ZNF226: variants seen among roughly 807,000 people sequenced by gnomAD.
ZNF226 encodes the protein zinc finger protein 226.
In ZNF226, 6 loss-of-function variants were observed where a neutral mutation model predicts 11.4. The observed-to-expected ratio is 0.53, with a 90% CI of 0.29 to 1.04. The LOEUF is 1.04. Among genes scored for constraint, ZNF226 ranks in the 50% least tolerant of loss-of-function variants. The probability of loss-of-function intolerance (pLI) is 0.08; values close to 1 mark genes in which losing one functional copy is unlikely to be tolerated. For synonymous variants in ZNF226, 350 were observed against 322.8 expected (o/e 1.08, Z -0.90); for missense variants, 1,058 against 956.5 (o/e 1.11, Z -1.40).
the ZNF226 span, among the ~76,000 whole-genome samples, chr19:44,198,584 A>G: frequency 6.6e-6 from 1 of 152,228 alleles, no homozygotes; most frequent in Non-Finnish European, 1.5e-5. Context: ...AATGTATTTC[A>G]CAAATATTTT....
At position 44,175,962 on chromosome 19, in the gene ZNF226, A is replaced by G. The variant is rs188862419; in HGVS notation, c.700A>G (p.Met234Val). The G allele has an allele frequency of 5.6e-4, 903 of 1,613,890 alleles. No homozygotes were observed. The highest frequency in any genetic ancestry group is 7.1e-4 in the Non-Finnish European group (837 of 1,179,864). ...YRPNDYEKDN[M>V]KILTFDHNSM... is the part of the protein sequence containing the mutation. ...ACCCAATGATTATGAAAAAGACAAC[A>G]TGAAGATTTTGACATTTGATCACAA... is the stretch of plus-strand genomic sequence containing the variant. The change falls in exon 6 of 6, where the codon ATG (methionine) becomes GTG (valine). Residue 234 changes from methionine (M) to valine (V), a missense_variant. By Grantham distance (21) the Met-to-Val change is conservative (BLOSUM62 1). Coordinates refer to ENST00000337433, the MANE Select transcript of ZNF226 (RefSeq NM_001032373.2).
chr19:44,173,143 T>C (rs1599729424), intron 5 of ZNF226, 191 bp downstream of exon 5: 1 of 593,864 alleles, frequency 1.7e-6, no homozygotes, highest in East Asian at 2.8e-5. Context: ...AAAGTGAGTT[T>C]TTGTTACCTT....
chr19:44,177,801 C>A, downstream of ZNF226: 1 of 1,098,906 alleles, frequency 9.1e-7, no homozygotes, highest in Non-Finnish European at 1.3e-6. Context: ...ATTAGCATAG[C>A]AAGGGCTTCT....
At chr19:44,179,827 A>C (rs1016549951), downstream of ZNF226, among the ~76,000 whole-genome samples, 2 of 152,114 alleles carry the variant, frequency 1.3e-5, no homozygotes, top group African/African-American at 4.8e-5. Flanking sequence ...TCGTGCCTCT[A>C]ATCCCAGCAC....
rs73564084 is a variant in ZNF226, at chr19:44,173,009, T to C, written c.235+57T>C. On this transcript the variant is annotated intron_variant, in intron 5 of 5. Coordinates refer to ENST00000337433, the MANE Select transcript of ZNF226 (RefSeq NM_001032373.2). ...TTAACTGTCCATCTGCTTTGCTTCTTCTTAGCCTTGTTGCCATCACCTGGT... is the reference window on the plus strand; with the variant it reads ...TTAACTGTCCATCTGCTTTGCTTCTCCTTAGCCTTGTTGCCATCACCTGGT... The C allele has an allele frequency of 2.5e-3, 3,724 of 1,500,708 alleles. 94 individuals carry two copies. The African/African-American group carries it at 0.045, about 18-fold the overall frequency. The allele number at this position is 1,500,708 out of a possible 1,614,324, so 93.0% of individuals were successfully genotyped here. A position where few individuals can be genotyped will look rare whatever the true frequency, so the allele number is the denominator to read the frequency against.
At chr19:44,177,776 A>C, downstream of ZNF226, 1 of 1,297,166 alleles carries the variant, frequency 7.7e-7, no homozygotes. Context: ...CAAAGACAAC[A>C]AAACAATCTT....
chr19:44,169,796 A>G (rs966517323), intron 2 of ZNF226, among the ~76,000 whole-genome samples: 1 of 152,236 alleles, frequency 6.6e-6, no homozygotes, highest in Non-Finnish European at 1.5e-5. Flanking sequence ...CAAAATAAGA[A>G]TTACTGGCGT....
chr19:44,191,576 A>T, the ZNF226 span, among the ~76,000 whole-genome samples: 2 of 152,158 alleles, frequency 1.3e-5, no homozygotes, highest in Non-Finnish European at 2.9e-5. Flanking sequence ...CCAACTGGAA[A>T]ATCTCTCAGT....
In ZNF226 at chr19:44,176,697, G is replaced by C. The variant is rs766928159; in HGVS notation, c.1435G>C (p.Val479Leu). The C allele has an allele frequency of 1.2e-6, 2 of 1,614,012 alleles. No individual in the cohort carries two copies. The highest frequency in any genetic ancestry group is 2.7e-5 in the African/African-American group (2 of 74,892). Residue 479 changes from valine to leucine, a missense_variant, in exon 6 of 6, where the codon GTA becomes CTA. Coordinates refer to ENST00000337433, the MANE Select transcript of ZNF226 (RefSeq NM_001032373.2). Reference sequence around the variant, plus strand: ...TGGAGAGAAGTCATACATATGTACTGTATGTGGGAAAGGCTTTACTCTGAG... The same window carrying C: ...TGGAGAGAAGTCATACATATGTACTCTATGTGGGAAAGGCTTTACTCTGAG... Reference protein sequence around the residue: ...HTGEKSYICTVCGKGFTLSSN... With the variant: ...HTGEKSYICTLCGKGFTLSSN...
chr19:44,189,495 A>T, the ZNF226 span, among the ~76,000 whole-genome samples: 71 of 152,152 alleles, frequency 4.7e-4, no homozygotes, highest in Non-Finnish European at 7.9e-4. Context: ...ATATAGAAAA[A>T]TTTTGTCATC....
At chr19:44,178,603 A>G (rs547753498), downstream of ZNF226, among the ~76,000 whole-genome samples, 176 of 152,314 alleles carry the variant, frequency 1.2e-3, no homozygotes, top group African/African-American at 4.2e-3. Context: ...TCAAAAATCG[A>G]TTTTTGGAGC....
chr19:44,178,065 A>G (rs895590390), downstream of ZNF226: 1 of 163,930 alleles, frequency 6.1e-6, no homozygotes, highest in Non-Finnish European at 1.3e-5. Context: ...TCACCTGCAG[A>G]ATATCATGAA....
intron 5 of ZNF226, chr19:44,175,225 C>A: frequency 7.1e-7 from 1 of 1,399,036 alleles, no homozygotes; most frequent in Non-Finnish European, 9.2e-7. Context: ...GTAGGAAAGA[C>A]ATGGAATAAA....
At chr19:44,174,939 A>G in intron 5 of ZNF226, 8 of 1,583,544 alleles carry the variant, frequency 5.1e-6, no homozygotes, top group Non-Finnish European at 6.9e-6. Context: ...ACAGCTTTTC[A>G]ACTTTGCAGC....
At chr19:44,186,411 GT>G in the ZNF226 span, among the ~76,000 whole-genome samples, 1 of 151,990 alleles carries the variant, frequency 6.6e-6, no homozygotes, top group East Asian at 1.9e-4. Flanking sequence ...AGTTTTCAAT[GT>G]AAAAATATTT....
the ZNF226 span, among the ~76,000 whole-genome samples, chr19:44,195,683 TGTG>T: frequency 1.3e-5 from 2 of 152,184 alleles, no homozygotes; most frequent in African/African-American, 2.4e-5. Flanking sequence ...TGTGTAAGGT[TGTG>T]GTGGCCTTTG....
downstream of ZNF226, among the ~76,000 whole-genome samples, chr19:44,182,529 G>T (rs1414348920): frequency 6.6e-6 from 1 of 152,192 alleles, no homozygotes; most frequent in African/African-American, 2.4e-5. Context: ...TGTATGTAAA[G>T]CCTTACTCAA....
At chr19:44,179,263 C>G (rs759743737), downstream of ZNF226, among the ~76,000 whole-genome samples, 42 of 152,172 alleles carry the variant, frequency 2.8e-4, no homozygotes, top group Non-Finnish European at 2.4e-4. Context: ...TATGCCACCA[C>G]AGCATCGAAG....
intron 2 of ZNF226, chr19:44,167,848 A>C (rs371268652): frequency 6.6e-6 from 1 of 152,156 alleles, no homozygotes; most frequent in African/African-American, 2.4e-5. Context: ...CCACACATGC[A>C]TGGGGTGTCT....
Sources: allele counts gnomAD v4.1 joint callset (sites outside exome capture counted in the v4.1 genomes callset), GRCh38; gene constraint gnomAD v4.1.1; transcripts MANE v1.5; gene names NCBI Gene and HGNC (gene_info 2026-07-23, HGNC 2026-07-21).